The following PSEN2 variants were observed in gnomAD, a reference collection of about 807,000 sequenced individuals.
The protein encoded by PSEN2 is presenilin-2.
Under a neutral mutation model 49.1 loss-of-function variants are expected in PSEN2, and 32 were observed. That is an observed-to-expected ratio of 0.65 (90% CI 0.49 to 0.88). The LOEUF (loss-of-function observed/expected upper bound fraction) is 0.88, where lower values mean the gene tolerates loss of function less well. Ranked by LOEUF, PSEN2 falls within the 40% of genes least tolerant of loss-of-function variation. PSEN2 has a pLI of 0.00. For synonymous variants in PSEN2, 255 were observed against 244.0 expected (o/e 1.05, Z -0.42); for missense variants, 522 against 586.9 (o/e 0.89, Z 1.14).
downstream of PSEN2, among the ~76,000 whole-genome samples, chr1:226,897,186 C>G (rs1344236591): frequency 6.6e-6 from 1 of 151,978 alleles, no homozygotes; most frequent in African/African-American, 2.4e-5. Flanking sequence ...TGACAACTCG[C>G]AAGAGGTTAA....
chr1:226,873,982 C>T (rs1360245453), intron 2 of PSEN2, among the ~76,000 whole-genome samples: 1 of 152,144 alleles, frequency 6.6e-6, no homozygotes, highest in African/African-American at 2.4e-5. Context: ...GCCCTCTGTC[C>T]TCCCCATGCC....
chr1:226,894,128 G>A lies in PSEN2; in HGVS notation c.1191+3G>A. ...CCTGCTTCGTGGCCATCCTCATTGTGAGTGGCTGGGGATGCGTCCAGCTGC... is the reference window on the plus strand; with the variant it reads ...CCTGCTTCGTGGCCATCCTCATTGTAAGTGGCTGGGGATGCGTCCAGCTGC... On this transcript the variant is annotated splice_donor_region_variant and intron_variant, in intron 12 of 12. Transcript: ENST00000366783. The A allele has an allele frequency of 6.2e-7, 1 of 1,612,958 alleles. No individual in the cohort carries two copies. The highest frequency in any genetic ancestry group is 8.5e-7 in the Non-Finnish European group (1 of 1,179,038).
At chr1:226,879,399 T>C (rs1660835531) in intron 3 of PSEN2, among the ~76,000 whole-genome samples, 1 of 152,194 alleles carries the variant, frequency 6.6e-6, no homozygotes, top group Admixed American at 6.5e-5. Context: ...CTGCAAAGGC[T>C]GCTTTTGTAA....
At chr1:226,888,259 C>A in intron 7 of PSEN2, 101 bp downstream of exon 7, 3 of 1,118,680 alleles carry the variant, frequency 2.7e-6, no homozygotes, top group Non-Finnish European at 2.7e-6. Context: ...GACCATCGAG[C>A]TCCAGTCTTC....
chr1:226,890,873 G>A lies in PSEN2; in HGVS notation c.887-405G>A, dbSNP rs142995247. The A allele has an allele frequency of 2.9e-3, 689 of 235,526 alleles. 2 individuals are homozygous for A. Among genetic ancestry groups the A allele is most frequent in the African/African-American group, 0.014 (625 of 43,920 alleles). The allele number at this position is 235,526 out of a possible 1,614,324, so 14.6% of individuals were successfully genotyped here. A position where few individuals can be genotyped will look rare whatever the true frequency, so the allele number is the denominator to read the frequency against. ...GGTACCTTCATGCAGTTGAGGATTC[G>A]AGCCCGTAGAGGAGAATCGCCTGCA... On this transcript the variant is annotated intron_variant, in intron 9 of 12. Transcript: ENST00000366783.
rs1481333447 is a variant in PSEN2 at position 226,894,079 on chromosome 1, G to A, written c.1145G>A (p.Ser382Asn). 5 of 1,614,110 alleles carry A rather than the reference G, an allele frequency of 3.1e-6. No individual in the cohort carries two copies. The highest frequency in any genetic ancestry group is 1.3e-5 in the African/African-American group (1 of 74,942). Reference protein sequence around the residue: ...VLVGKAAATGSGDWNTTLACF... With the variant: ...VLVGKAAATGNGDWNTTLACF... ...GTGGGCAAGGCGGCTGCCACGGGCA[G>A]CGGGGACTGGAATACCACGCTGGCC... Residue 382 changes from serine to asparagine, a missense_variant, in exon 12 of 13, where the codon AGC becomes AAC. Physicochemically the swap from Ser to Asn is conservative, Grantham distance 46. Coordinates refer to ENST00000366783, the MANE Select transcript of PSEN2 (RefSeq NM_000447.3).
At chr1:226,882,090 G>A (rs1380026660) in intron 4 of PSEN2, 42 bp downstream of exon 4, 3 of 1,611,206 alleles carry the variant, frequency 1.9e-6, no homozygotes, top group South Asian at 2.2e-5. Context: ...ACAGGTCCCT[G>A]CGGCTACTGT....
Position 226,874,508 on chromosome 1 carries a change from G to A in PSEN2, c.-206-857G>A, listed in dbSNP as rs542050023. 3.3e-5 allele frequency among the ~76,000 whole-genome samples: 5 copies of A among 151,866 alleles called. No individual in the cohort carries two copies. In the East Asian group the frequency reaches 9.6e-4, roughly 29 times the overall value. On this transcript the variant is annotated intron_variant, in intron 2 of 12. Coordinates refer to ENST00000366783, the MANE Select transcript of PSEN2 (RefSeq NM_000447.3). ...TGTTTACGTGGCCATAGTGCCTGGG[G>A]CTGGGCCGGGAATGGAAACTTGATC...
In PSEN2 at chr1:226,895,494, C is replaced by T. The variant is rs756609078; in HGVS notation, c.1262C>T (p.Thr421Met). Reference sequence around the variant, plus strand: ...CTGCCCGCCCTCCCCATCTCCATCACGTTCGGGCTCATCTTTTACTTCTCC... The same window carrying T: ...CTGCCCGCCCTCCCCATCTCCATCATGTTCGGGCTCATCTTTTACTTCTCC... ...KALPALPISI[T>M]FGLIFYFSTD... Residue 421 changes from threonine (T) to methionine (M), a missense_variant, in exon 13 of 13, where the codon ACG becomes ATG. Transcript: ENST00000366783. 75 of 1,613,934 alleles carry T rather than the reference C, an allele frequency of 4.6e-5. No individual in the cohort carries two copies. The East Asian group carries it at 9.4e-4, about 20-fold the overall frequency.
chr1:226,894,784 G>A (rs748795832), intron 12 of PSEN2, among the ~76,000 whole-genome samples: 6 of 152,224 alleles, frequency 3.9e-5, no homozygotes, highest in African/African-American at 7.2e-5. Context: ...GCATGATTAA[G>A]GTTGATGCTC....
intron 3 of PSEN2, chr1:226,880,429 C>T (rs200107519): frequency 2.2e-5 from 27 of 1,207,244 alleles, no homozygotes; most frequent in South Asian, 8.3e-5. Context: ...TACTTGGAGA[C>T]GAACTTTCAG....
downstream of PSEN2, among the ~76,000 whole-genome samples, chr1:226,901,023 T>C (rs1400088558): frequency 6.6e-6 from 1 of 152,196 alleles, no homozygotes; most frequent in Non-Finnish European, 1.5e-5. Flanking sequence ...GTAGTTAGTA[T>C]ATAAGCCCAC....
Position 226,881,916 on chromosome 1 carries a change from A to G in PSEN2, c.9A>G (p.Thr3=). Residue 3 remains threonine (T), a synonymous_variant, in exon 4 of 13, where the codon ACA becomes ACG. Transcript: ENST00000366783. The part of the protein sequence containing the change: ML[T]FMASDSEEEV... ...CTTCCAGAGGCAGGGCTATGCTCAC[A>G]TTCATGGCCTCTGACAGCGAGGAAG... is the stretch of plus-strand genomic sequence containing the variant. 1 of 1,614,202 alleles carries G rather than the reference A, an allele frequency of 6.2e-7. No individual in the cohort carries two copies. Among genetic ancestry groups the G allele is most frequent in the South Asian group, 1.1e-5 (1 of 91,082 alleles).
intron 8 of PSEN2, among the ~76,000 whole-genome samples, 156 bp downstream of exon 8, chr1:226,889,205 CAG>C (rs998042138): frequency 2.6e-5 from 4 of 152,116 alleles, no homozygotes; most frequent in Admixed American, 2.0e-4. Flanking sequence ...CTTTGTAAAA[CAG>C]AGGGGGGTCC....
downstream of PSEN2, chr1:226,896,190 CAGTT>C (rs1662139274): frequency 6.3e-6 from 1 of 159,334 alleles, no homozygotes; most frequent in Non-Finnish European, 1.4e-5. Context: ...AGGATGGAGG[CAGTT>C]TGCCCTGTTT....
At chr1:226,873,250 A>C (rs1660424763) in intron 2 of PSEN2, among the ~76,000 whole-genome samples, 1 of 152,118 alleles carries the variant, frequency 6.6e-6, no homozygotes. Flanking sequence ...ATTTCTTGAG[A>C]GCCTCTTCAC....
At chr1:226,901,389 T>C (rs992587275), downstream of PSEN2, among the ~76,000 whole-genome samples, 2 of 141,150 alleles carry the variant, frequency 1.4e-5, no homozygotes, top group Admixed American at 7.6e-5. Flanking sequence ...TGAGACAAGA[T>C]CACGCCATTG....
downstream of PSEN2, among the ~76,000 whole-genome samples, chr1:226,900,164 G>GAT (rs2102703712): frequency 6.6e-6 from 1 of 152,322 alleles, no homozygotes; most frequent in South Asian, 2.1e-4. Context: ...GGAGGCAGCA[G>GAT]ATGACAGCAG....
intron 12 of PSEN2, among the ~76,000 whole-genome samples, chr1:226,902,115 T>TG (rs1409240360): frequency 6.6e-6 from 1 of 151,974 alleles, no homozygotes. Context: ...AGATAGGGGT[T>TG]GGGGGGATGA....
Sources: gnomAD v4.1 joint callset for allele counts (sites outside exome capture counted in the v4.1 genomes callset) on GRCh38, gnomAD v4.1.1 for gene constraint, MANE v1.5 for transcripts, NCBI Gene and HGNC (gene_info 2026-07-23, HGNC 2026-07-21) for gene names.